Variants in RIMS1 observed in about 807,000 individuals in gnomAD.
RIMS1 encodes regulating synaptic membrane exocytosis 1, also known as regulating synaptic membrane exocytosis protein 1.
RIMS1 carries 83 observed loss-of-function variants against 214.1 expected under a neutral mutation model. That is an observed-to-expected ratio of 0.39 (90% CI 0.32 to 0.47). The LOEUF (loss-of-function observed/expected upper bound fraction) is 0.47, where lower values mean the gene tolerates loss of function less well. Ranked by LOEUF, RIMS1 falls within the 20% of genes least tolerant of loss-of-function variation. The probability of loss-of-function intolerance (pLI) is 0.99; values close to 1 mark genes in which losing one functional copy is unlikely to be tolerated. For synonymous variants in RIMS1, 793 were observed against 786.8 expected (o/e 1.01, Z -0.13); for missense variants, 2,050 against 2,161.8 (o/e 0.95, Z 1.03).
intron 1 of RIMS1, among the ~76,000 whole-genome samples, chr6:71,919,419 A>G (rs1017646273): frequency 3.9e-5 from 6 of 152,104 alleles, no homozygotes; most frequent in African/African-American, 9.7e-5. Flanking sequence ...AAAAAAAACA[A>G]TTATGGGTGG....
At chr6:71,927,637 G>T (rs570668802) in intron 1 of RIMS1, among the ~76,000 whole-genome samples, 1 of 151,948 alleles carries the variant, frequency 6.6e-6, no homozygotes, top group Admixed American at 6.6e-5. Context: ...GAATTATACC[G>T]AAGATTATTG....
At chr6:72,027,202 C>T (rs1005031047) in intron 2 of RIMS1, among the ~76,000 whole-genome samples, 4 of 152,112 alleles carry the variant, frequency 2.6e-5, no homozygotes, top group Non-Finnish European at 5.9e-5. Context: ...TTGGCTGCTA[C>T]GCAAACTCAA....
intron 2 of RIMS1, among the ~76,000 whole-genome samples, chr6:72,060,876 A>G (rs1189714665): frequency 1.3e-5 from 2 of 152,172 alleles, no homozygotes; most frequent in Admixed American, 6.5e-5. Context: ...TGAATTCCAC[A>G]TGTACTTAAC....
chr6:72,198,500 G>A (rs1431882881), intron 6 of RIMS1, among the ~76,000 whole-genome samples: 1 of 151,958 alleles, frequency 6.6e-6, no homozygotes, highest in Non-Finnish European at 1.5e-5. Context: ...ATGGGGAAGG[G>A]TGTGTTGAGG....
chr6:72,152,090 C>T (rs918844242), intron 4 of RIMS1, among the ~76,000 whole-genome samples: 6 of 152,172 alleles, frequency 3.9e-5, no homozygotes, highest in Admixed American at 6.5e-5. Context: ...GATCCAAACC[C>T]TATCAGGCCC....
chr6:72,010,879 A>G (rs1004573522), intron 2 of RIMS1, among the ~76,000 whole-genome samples: 7 of 152,238 alleles, frequency 4.6e-5, no homozygotes, highest in African/African-American at 9.6e-5. Context: ...GGAAGAATCA[A>G]TATCCTGAAA....
Position 72,309,998 on chromosome 6 carries a change from T to C in RIMS1, c.3963+2628T>C, listed in dbSNP as rs559846354. ...TTCTACATCAAGTATTTTATAACTA[T>C]TTTATAAAGATCTATTTTTATGGCT... On this transcript the variant is annotated intron_variant, in intron 27 of 33. Transcript: ENST00000521978. 2.1e-3 allele frequency among the ~76,000 whole-genome samples: 319 copies of C among 152,228 alleles called. 4 individuals carry two copies. The highest frequency in any genetic ancestry group is 7.0e-3 in the African/African-American group (293 of 41,572).
chr6:71,977,248 T>C (rs1229610827), intron 2 of RIMS1, among the ~76,000 whole-genome samples: 1 of 152,188 alleles, frequency 6.6e-6, no homozygotes, highest in African/African-American at 2.4e-5. Flanking sequence ...CTGAGCCATG[T>C]GGTCTTTCCT....
intron 1 of RIMS1, among the ~76,000 whole-genome samples, chr6:71,912,403 A>C (rs1161798541): frequency 6.6e-6 from 1 of 152,172 alleles, no homozygotes; most frequent in African/African-American, 2.4e-5. Context: ...TAAAGCAAAC[A>C]TAAAATACAG....
chr6:72,238,729 T>A (rs2065374468), intron 9 of RIMS1, among the ~76,000 whole-genome samples: 1 of 152,134 alleles, frequency 6.6e-6, no homozygotes, highest in African/African-American at 2.4e-5. Context: ...GAAACAGAGT[T>A]GGCTGAGCTG....
At chr6:72,252,417 A>G (rs1347774789) in intron 15 of RIMS1, among the ~76,000 whole-genome samples, 5 of 152,118 alleles carry the variant, frequency 3.3e-5, no homozygotes, top group Non-Finnish European at 4.4e-5. Context: ...TTCTCTCTGA[A>G]CTGCAGAGGA....
chr6:71,963,354 A>G (rs1793506883), intron 1 of RIMS1, among the ~76,000 whole-genome samples: 2 of 152,148 alleles, frequency 1.3e-5, no homozygotes, highest in African/African-American at 4.8e-5. Flanking sequence ...TAGGAGAATC[A>G]TATGCCCCGG....
In RIMS1 at chr6:72,400,766, T is replaced by C. The variant is rs532821380; in HGVS notation, c.*52T>C. ...AAAACTCTACTTTTCAGGATAATAA[T>C]CTGAACCAGATATTTCATGATCGAA... On this transcript the variant is annotated 3_prime_UTR_variant, in exon 34 of 34. Coordinates refer to ENST00000521978, the MANE Select transcript of RIMS1 (RefSeq NM_014989.7). The C allele has an allele frequency of 7.4e-7, 1 of 1,346,568 alleles. No homozygotes were observed. The highest frequency in any genetic ancestry group is 1.8e-5 in the Admixed American group (1 of 55,444). 83.4% of individuals were successfully genotyped at this position (1,346,568 alleles called of 1,614,324 possible).
chr6:71,916,008 C>A (rs1228169768), intron 1 of RIMS1, among the ~76,000 whole-genome samples: 1 of 152,030 alleles, frequency 6.6e-6, no homozygotes, highest in African/African-American at 2.4e-5. Context: ...GATTCAATTA[C>A]CTCCCACCGG....
At chr6:72,048,147 GAGCACAA>G (rs1823588987) in intron 2 of RIMS1, among the ~76,000 whole-genome samples, 2 of 152,110 alleles carry the variant, frequency 1.3e-5, no homozygotes, top group African/African-American at 4.8e-5. Flanking sequence ...GTGGACAATG[GAGCACAA>G]AGTAAGTATT....
intron 2 of RIMS1, among the ~76,000 whole-genome samples, chr6:71,976,931 T>G (rs1275662781): frequency 6.6e-6 from 1 of 152,042 alleles, no homozygotes; most frequent in Non-Finnish European, 1.5e-5. Context: ...TGTGAATGGG[T>G]CTTTGATATT....
intron 2 of RIMS1, among the ~76,000 whole-genome samples, chr6:72,035,640 A>G (rs1429780149): frequency 6.6e-6 from 1 of 152,192 alleles, no homozygotes; most frequent in African/African-American, 2.4e-5. Flanking sequence ...CAATCCTTTC[A>G]GTGACTCAAG....
chr6:72,182,533 G>A lies in RIMS1; in HGVS notation c.1062G>A (p.Arg354=), dbSNP rs2048528953. 1 of 1,563,820 alleles carries A rather than the reference G, an allele frequency of 6.4e-7. No individual in the cohort carries two copies. Among genetic ancestry groups the A allele is most frequent in the African/African-American group, 1.4e-5 (1 of 73,580 alleles). The change falls in exon 6 of 34, where the codon AGG becomes AGA. Residue 354 remains arginine, a synonymous_variant. Coordinates refer to ENST00000521978, the MANE Select transcript of RIMS1 (RefSeq NM_014989.7). ...GAAAAGAGGAGGATTATCAGACCAG[G>A]TACCGCAGCGACCCGAACCTAGCTC... ...KQRKEEDYQT[R]YRSDPNLARY...
chr6:72,177,136 A>T (rs967230683), intron 4 of RIMS1, among the ~76,000 whole-genome samples: 25 of 152,264 alleles, frequency 1.6e-4, no homozygotes, highest in African/African-American at 6.0e-4. Flanking sequence ...AGCTTTATTC[A>T]ATTTTAGAAA....
Sources: gnomAD v4.1 joint callset for allele counts (sites outside exome capture counted in the v4.1 genomes callset) on GRCh38, gnomAD v4.1.1 for gene constraint, MANE v1.5 for transcripts, NCBI Gene and HGNC (gene_info 2026-07-23, HGNC 2026-07-21) for gene names.